The following NFIC variants were observed in gnomAD, a reference collection of about 807,000 sequenced individuals.
The protein encoded by NFIC is nuclear factor I C.
In NFIC, 12 loss-of-function variants were observed where a neutral mutation model predicts 54.4. That is an observed-to-expected ratio of 0.22 (90% CI 0.14 to 0.36). The LOEUF (loss-of-function observed/expected upper bound fraction) is 0.36, where lower values mean the gene tolerates loss of function less well. Among genes scored for constraint, NFIC ranks in the 10% least tolerant of loss-of-function variants. The probability of loss-of-function intolerance (pLI) is 1.00; values close to 1 mark genes in which losing one functional copy is unlikely to be tolerated. For synonymous variants in NFIC, 322 were observed against 319.2 expected, an observed-to-expected ratio of 1.01 and a Z score of -0.09; for missense variants, 575 against 718.2, an observed-to-expected ratio of 0.80 and a Z score of 2.28.
rs537405882 is a variant in NFIC, at chr19:3,453,900, G to A, written c.1407G>A (p.Thr469=). Residue 469 remains threonine, a synonymous_variant, in exon 9 of 11, where the codon ACG becomes ACA. Transcript: ENST00000443272. The surrounding 1 kb of genome is among the most constrained non-coding windows in gnomAD (Gnocchi z 6.7). ...CCACCACCTCCGAGGGAGGAGCCAC[G>A]TCGCCGACCTCGCCTTGTAAGCACG... ...KPATTSEGGA[T]SPTSPSYSPP... is the part of the protein sequence containing the mutation. 1.8e-5 allele frequency: 28 copies of A among 1,546,856 alleles called. No homozygotes were observed. The Admixed American group carries it at 3.3e-4, about 18-fold the overall frequency.
chr19:3,396,301 C>A (rs1454344693), intron 2 of NFIC, among the ~76,000 whole-genome samples: 1 of 151,896 alleles, frequency 6.6e-6, no homozygotes, highest in East Asian at 1.9e-4. Flanking sequence ...GAAACCCCGT[C>A]TCTACTAAAA....
At chr19:3,396,612 G>A (rs1327724649) in intron 2 of NFIC, among the ~76,000 whole-genome samples, 1 of 152,116 alleles carries the variant, frequency 6.6e-6, no homozygotes, top group Non-Finnish European at 1.5e-5. Context: ...ACTTCCAACA[G>A]GGACACCACG....
intron 1 of NFIC, among the ~76,000 whole-genome samples, chr19:3,367,963 G>A (rs2080927474): frequency 6.6e-6 from 1 of 152,220 alleles, no homozygotes; most frequent in Non-Finnish European, 1.5e-5. Flanking sequence ...AGGGAATGTG[G>A]GAGCTGGTGC....
intron 3 of NFIC, among the ~76,000 whole-genome samples, chr19:3,425,882 G>A (rs555606393): frequency 4.4e-4 from 62 of 140,058 alleles, no homozygotes; most frequent in Middle Eastern, 4.4e-3. Context: ...AGCCTCTCAA[G>A]TAGCTGGGAC....
intron 2 of NFIC, among the ~76,000 whole-genome samples, chr19:3,423,053 C>T (rs1409695119): frequency 2.0e-5 from 3 of 152,082 alleles, no homozygotes; most frequent in Non-Finnish European, 2.9e-5. Context: ...CAAAAATTAG[C>T]CAGGCGTGAT....
chr19:3,449,995 C>T (rs1453090469), intron 7 of NFIC, among the ~76,000 whole-genome samples: 2 of 151,166 alleles, frequency 1.3e-5, no homozygotes, highest in African/African-American at 4.9e-5. Context: ...GCAGAGGTTG[C>T]GGTGAGGCGA....
At chr19:3,425,036 A>T (rs1418254684) in intron 2 of NFIC, 70 bp from the exon 3 acceptor site, 7 of 1,547,682 alleles carry the variant, frequency 4.5e-6, no homozygotes, top group African/African-American at 1.4e-5. Flanking sequence ...GGCCACCAGC[A>T]TCGACACTTC....
rs1371645678 is a variant in NFIC at position 3,453,814 on chromosome 19, A to G, written c.1321A>G (p.Met441Val). 6.2e-7 allele frequency: 1 copy of G among 1,604,236 alleles called. No individual in the cohort carries two copies. Among genetic ancestry groups the G allele is most frequent in the Non-Finnish European group, 8.5e-7 (1 of 1,175,944 alleles). The change falls in exon 9 of 11, where the codon ATG becomes GTG. Residue 441 changes from methionine to valine, a missense_variant. Around this residue, in one of 3 missense-constraint regions of NFIC, gnomAD observed 447 missense variants for 526.9 expected, o/e 0.85. Transcript: ENST00000443272. This position sits in a 1 kb window ranked among gnomAD's most constrained non-coding sequence, Gnocchi z 6.7. ...KMPSHCLSAQ[M>V]LAPPPPGLPR... ...GCCCAGCCACTGCCTTTCTGCTCAG[A>G]TGCTGGCACCTCCGCCCCCGGGGCT...
upstream of NFIC, among the ~76,000 whole-genome samples, chr19:3,364,761 G>A (rs2080860209): frequency 6.6e-6 from 1 of 152,188 alleles, no homozygotes; most frequent in Non-Finnish European, 1.5e-5. Context: ...TACAGGGGAG[G>A]GAGGGTGGAA....
In NFIC at chr19:3,366,681, C is replaced by T. The variant is rs1397497715; in HGVS notation, c.30+15C>T. 12 of 1,401,734 alleles carry T rather than the reference C, an allele frequency of 8.6e-6. No individual in the cohort carries two copies. Among genetic ancestry groups the T allele is most frequent in the African/African-American group, 7.5e-5 (5 of 66,634 alleles). 86.8% of individuals were successfully genotyped at this position (1,401,734 alleles called of 1,614,324 possible). A position where few individuals can be genotyped will look rare whatever the true frequency, so the allele number is the denominator to read the frequency against. On this transcript the variant is annotated intron_variant, in intron 1 of 10. Transcript: ENST00000443272. Reference sequence around the variant, plus strand: ...GCCTCACCCAGGTACGGTCCTCGCCCGGCCCCCCGCCGGCGCCCCCGCGCC... The same window carrying T: ...GCCTCACCCAGGTACGGTCCTCGCCTGGCCCCCCGCCGGCGCCCCCGCGCC...
rs566623409 is a variant in NFIC, at chr19:3,467,788, T to TATATATATATATATATATATAA, written c.*5020_*5021insTATATATATATATATATATAAA. On this transcript the variant is annotated 3_prime_UTR_variant, in exon 11 of 11. Transcript: ENST00000443272. Reference sequence around the variant, plus strand: ...ATATATATATATATATATATATATATAATTTTGGAATTTGTTTCTCATAAT... The same window carrying TATATATATATATATATATATAA: ...ATATATATATATATATATATATATATATATATATATATATATATATAAAATTTTGGAATTTGTTTCTCATAAT... The TATATATATATATATATATATAA allele has an allele frequency of 5.1e-5, 7 of 136,798 alleles. No individual in the cohort carries two copies. Among genetic ancestry groups the TATATATATATATATATATATAA allele is most frequent in the African/African-American group, 1.7e-4 (6 of 35,362 alleles). The allele number at this position is 136,798 out of a possible 1,614,324, so 8.5% of individuals were successfully genotyped here.
intron 6 of NFIC, among the ~76,000 whole-genome samples, chr19:3,442,399 G>C (rs60768955): frequency 2.1e-5 from 1 of 46,848 alleles, no homozygotes; most frequent in Non-Finnish European, 4.8e-5. Flanking sequence ...TTTTTTTTTT[G>C]AGTCAGAATC....
chr19:3,422,354 G>A lies in NFIC; in HGVS notation c.563-2752G>A, dbSNP rs188660310. Among the ~76,000 whole-genome samples the A allele has an allele frequency of 1.3e-4, 20 of 151,796 alleles. No individual in the cohort carries two copies. In the East Asian group the frequency reaches 3.6e-3, roughly 27 times the overall value. ...CTCCCAAAGTGCTGAGATTACAGGC[G>A]TGAGCCACTGTGCCACTGCCCCTGG... On this transcript the variant is annotated intron_variant, in intron 2 of 10. Transcript: ENST00000443272.
upstream of NFIC, among the ~76,000 whole-genome samples, chr19:3,363,241 G>GTGTGCGTGTGTGTGTGTGTATA (rs1165983533): frequency 6.5e-5 from 5 of 77,022 alleles, no homozygotes; most frequent in Non-Finnish European, 7.5e-5. Context: ...GTATGTGTGT[G>GTGTGCGTGTGTGTGTGTGTATA]TATATATATA....
chr19:3,463,451 G>T lies in NFIC; in HGVS notation c.*682G>T. 1.0e-6 allele frequency: 1 copy of T among 985,480 alleles called. No homozygotes were observed. Among genetic ancestry groups the T allele is most frequent in the Non-Finnish European group, 1.2e-6 (1 of 830,016 alleles). 61.0% of individuals were successfully genotyped at this position (985,480 alleles called of 1,614,324 possible). ...TGGCGCTTGCGAGCCCTGGCCAGGG[G>T]AGGAAGTGAGGCCCAGGCACCTGCT... On this transcript the variant is annotated 3_prime_UTR_variant, in exon 11 of 11. Coordinates refer to ENST00000443272, the MANE Select transcript of NFIC (RefSeq NM_001245002.2).
chr19:3,366,352 A>G (rs569640568), upstream of NFIC, among the ~76,000 whole-genome samples: 400 of 58,132 alleles, frequency 6.9e-3, 2 homozygotes, highest in African/African-American at 0.022. Flanking sequence ...TCGGGGTGGG[A>G]GGGGGAGGGT....
At chr19:3,366,548 G>GGGGGGGGCGGGGGGGGGGTT, upstream of NFIC, 3 of 520,896 alleles carry the variant, frequency 5.8e-6, no homozygotes, top group Non-Finnish European at 8.7e-6. Flanking sequence ...GGGGGGGGTT[G>GGGGGGGGCGGGGGGGGGGTT]GGGGGGGCGG....
intron 5 of NFIC, among the ~76,000 whole-genome samples, chr19:3,434,762 C>T (rs2082171944): frequency 6.6e-6 from 1 of 152,208 alleles, no homozygotes; most frequent in African/African-American, 2.4e-5. Context: ...GATCATACCC[C>T]TAACAGGCAG....
chr19:3,409,471 C>G lies in NFIC; in HGVS notation c.563-15635C>G, dbSNP rs182164247. Among the ~76,000 whole-genome samples the G allele has an allele frequency of 1.0e-3, 154 of 152,310 alleles. 1 individual carries two copies. Among genetic ancestry groups the G allele is most frequent in the African/African-American group, 3.6e-3 (150 of 41,568 alleles). Reference sequence around the variant, plus strand: ...CTGAGGCTTCCTCCATGCACTGGTTCTGCCCGTCTCCCTCCCCACTTCCTT... The same window carrying G: ...CTGAGGCTTCCTCCATGCACTGGTTGTGCCCGTCTCCCTCCCCACTTCCTT... On this transcript the variant is annotated intron_variant, in intron 2 of 10. Coordinates refer to ENST00000443272, the MANE Select transcript of NFIC (RefSeq NM_001245002.2).
Sources: gnomAD v4.1 joint callset for allele counts (sites outside exome capture counted in the v4.1 genomes callset) on GRCh38, gnomAD v4.1.1 for gene constraint, gnomAD v4.1.1 regional missense constraint, Gnocchi (gnomAD v3.1) non-coding constraint, MANE v1.5 for transcripts, NCBI Gene and HGNC (gene_info 2026-07-23, HGNC 2026-07-21) for gene names.